Variants in ZNF454 observed in about 807,000 individuals in gnomAD.
The protein encoded by ZNF454 is zinc finger protein 454.
A neutral mutation model predicts 48.2 loss-of-function variants in ZNF454; 30 were observed. The observed-to-expected ratio is 0.62, with a 90% CI of 0.47 to 0.84. The LOEUF is 0.84. Among genes scored for constraint, ZNF454 ranks in the 40% least tolerant of loss-of-function variants. ZNF454 has a pLI of 0.00. For synonymous variants in ZNF454, 204 were observed against 211.4 expected, an observed-to-expected ratio of 0.97 and a Z score of 0.30; for missense variants, 510 against 623.1, an observed-to-expected ratio of 0.82 and a Z score of 1.93.
chr5:178,988,960 C>T, the ZNF454 span: 3 of 1,613,694 alleles, frequency 1.9e-6, no homozygotes, highest in African/African-American at 1.3e-5. This position sits in a 1 kb window ranked among gnomAD's most constrained non-coding sequence, Gnocchi z 6.0. Flanking sequence ...CTCGAATGTA[C>T]TGCAGAAGCA....
the ZNF454 span, chr5:178,981,484 G>C: frequency 1.7e-6 from 1 of 602,426 alleles, no homozygotes; most frequent in South Asian, 2.0e-5. This position sits in a 1 kb window ranked among gnomAD's most constrained non-coding sequence, Gnocchi z 5.1. Flanking sequence ...CTGGAATCGG[G>C]GTAGAGCTGG....
the ZNF454 span, among the ~76,000 whole-genome samples, chr5:178,983,710 AGGAAT>A: frequency 6.6e-6 from 1 of 152,216 alleles, no homozygotes; most frequent in African/African-American, 2.4e-5. Flanking sequence ...GGGGAGGAGC[AGGAAT>A]GGGAGCTGAT....
In ZNF454 at chr5:178,957,318, T is replaced by C. The variant is rs573349116; in HGVS notation, c.251-7337T>C. Among the ~76,000 whole-genome samples, 7 of 152,232 alleles carry C rather than the reference T, an allele frequency of 4.6e-5. No homozygotes were observed. The East Asian group carries it at 1.4e-3, about 30-fold the overall frequency. ...CCCTGGGTGTGACCTCTTGACAACATTATATAGGAGGCTTGGAACATACTA... is the reference window on the plus strand; with the variant it reads ...CCCTGGGTGTGACCTCTTGACAACACTATATAGGAGGCTTGGAACATACTA... On this transcript the variant is annotated intron_variant, in intron 4 of 4. Transcript: ENST00000519564.
At chr5:178,982,954 C>T in the ZNF454 span, 2 of 1,614,188 alleles carry the variant, frequency 1.2e-6, no homozygotes, top group East Asian at 2.2e-5. Context: ...GGCACGAATG[C>T]CAGCCAGATG....
chr5:178,963,511 A>G (rs924444850), intron 4 of ZNF454, among the ~76,000 whole-genome samples: 18 of 151,690 alleles, frequency 1.2e-4, no homozygotes, highest in Admixed American at 4.0e-4. Flanking sequence ...AGCGAGTGGG[A>G]AAAGGAGGTA....
the ZNF454 span, chr5:178,977,305 G>T: frequency 2.4e-6 from 1 of 416,250 alleles, no homozygotes; most frequent in Non-Finnish European, 4.9e-6. Context: ...AATGGGATTA[G>T]AGCCCTTATA....
the ZNF454 span, chr5:178,975,971 G>A: frequency 2.9e-6 from 1 of 342,940 alleles, no homozygotes; most frequent in Admixed American, 3.6e-5. Context: ...TCTGTTCTCT[G>A]GAGAGCCCTG....
At chr5:178,960,847 A>C (rs1374541259) in intron 4 of ZNF454, among the ~76,000 whole-genome samples, 1 of 150,296 alleles carries the variant, frequency 6.7e-6, no homozygotes, top group Non-Finnish European at 1.5e-5. Flanking sequence ...CTTTTTAATT[A>C]TTTTATTATT....
At chr5:178,974,613 C>T in the ZNF454 span, among the ~76,000 whole-genome samples, 1 of 152,110 alleles carries the variant, frequency 6.6e-6, no homozygotes, top group Non-Finnish European at 1.5e-5. Context: ...CCACCGCGCC[C>T]GGCCTCTAAT....
intron 4 of ZNF454, among the ~76,000 whole-genome samples, chr5:178,962,685 G>A (rs958436518): frequency 2.0e-5 from 3 of 151,596 alleles, no homozygotes; most frequent in Non-Finnish European, 2.9e-5. Context: ...TGTGTTCTAC[G>A]GTTCTTTTTC....
the ZNF454 span, chr5:178,983,122 G>A: frequency 8.7e-6 from 14 of 1,613,952 alleles, no homozygotes; most frequent in Admixed American, 1.7e-5. Flanking sequence ...TCGCACTTGA[G>A]CACCCCTCTG....
the ZNF454 span, among the ~76,000 whole-genome samples, chr5:178,983,742 G>A: frequency 1.3e-5 from 2 of 152,340 alleles, no homozygotes; most frequent in East Asian, 3.9e-4. Context: ...GAGTACTGGA[G>A]TCTGTGCAGG....
chr5:178,958,345 A>G (rs1353533230), intron 4 of ZNF454, among the ~76,000 whole-genome samples: 1 of 152,230 alleles, frequency 6.6e-6, no homozygotes, highest in East Asian at 1.9e-4. Flanking sequence ...TAAATCATAC[A>G]GTATGTACTC....
chr5:178,959,764 C>T, intron 4 of ZNF454, among the ~76,000 whole-genome samples: 1 of 151,944 alleles, frequency 6.6e-6, no homozygotes, highest in African/African-American at 2.4e-5. Context: ...CACCACCACG[C>T]CTGGCTAATT....
the ZNF454 span, chr5:178,989,387 A>T: frequency 6.2e-7 from 1 of 1,614,138 alleles, no homozygotes; most frequent in Non-Finnish European, 8.5e-7. Context: ...GGATCGAGTC[A>T]TGAAGTACTG....
chr5:178,973,865 G>A, the ZNF454 span, among the ~76,000 whole-genome samples: 10 of 146,218 alleles, frequency 6.8e-5, no homozygotes, highest in African/African-American at 1.3e-4. Flanking sequence ...AAAAAAGGTC[G>A]ACTGAAGAAT....
the ZNF454 span, among the ~76,000 whole-genome samples, chr5:178,988,688 T>A: frequency 2.0e-5 from 3 of 152,006 alleles, no homozygotes; most frequent in African/African-American, 7.2e-5. This position sits in a 1 kb window ranked among gnomAD's most constrained non-coding sequence, Gnocchi z 6.0. Flanking sequence ...GCAGAAGGGA[T>A]CAGAGAAGCT....
the ZNF454 span, chr5:178,983,365 G>A: frequency 1.3e-6 from 1 of 774,176 alleles, no homozygotes; most frequent in Non-Finnish European, 2.2e-6. Context: ...TGGCTCTCAG[G>A]AGCACTCAGT....
chr5:178,941,215 T>A lies in ZNF454; in HGVS notation c.-337T>A, dbSNP rs2113155210. 1 of 370,452 alleles carries A rather than the reference T, an allele frequency of 2.7e-6. No homozygotes were observed. Among genetic ancestry groups the A allele is most frequent in the Non-Finnish European group, 5.4e-6 (1 of 186,022 alleles). 22.9% of individuals were successfully genotyped at this position (370,452 alleles called of 1,614,324 possible). A position where few individuals can be genotyped will look rare whatever the true frequency, so the allele number is the denominator to read the frequency against. ...CGCAGTTCGGCTCCCGGCTGCAGACTCCAGCTCATTGTGTTCTGACTGCGA... is the reference window on the plus strand; with the variant it reads ...CGCAGTTCGGCTCCCGGCTGCAGACACCAGCTCATTGTGTTCTGACTGCGA... On this transcript the variant is annotated 5_prime_UTR_variant, in exon 1 of 5. Transcript: ENST00000519564. This position sits in a 1 kb window ranked among gnomAD's most constrained non-coding sequence, Gnocchi z 5.5.
Sources: allele counts gnomAD v4.1 joint callset (sites outside exome capture counted in the v4.1 genomes callset), GRCh38; gene constraint gnomAD v4.1.1; non-coding constraint Gnocchi (gnomAD v3.1); transcripts MANE v1.5; gene names NCBI Gene and HGNC (gene_info 2026-07-23, HGNC 2026-07-21).